The following XAB2 variants were observed in gnomAD, a reference collection of about 807,000 sequenced individuals.
The protein encoded by XAB2 is XPA binding protein 2, also known as pre-mRNA-splicing factor SYF1.
XAB2 carries 57 observed loss-of-function variants against 113.4 expected under a neutral mutation model. That is an observed-to-expected ratio of 0.50 (90% CI 0.41 to 0.63). XAB2 has a LOEUF of 0.63. Among genes scored for constraint, XAB2 ranks in the 20% least tolerant of loss-of-function variants. The pLI is 0.00. For missense variants in XAB2, 1,037 were observed against 1,233.3 expected (o/e 0.84, Z 2.38); for synonymous variants, 497 against 498.8 (o/e 1.00, Z 0.05).
In XAB2 at chr19:7,627,660, T is replaced by TCCCC; in HGVS notation, c.324+64_324+67dup. 23 of 1,572,264 alleles carry TCCCC rather than the reference T, an allele frequency of 1.5e-5. No homozygotes were observed. The highest frequency in any genetic ancestry group is 2.7e-5 in the African/African-American group (2 of 74,140). ...CCTAACATGCTGAGCCCAGCCCCTG[T>TCCCC]CCCCGCCCCACCCACCACCATGGAC... On this transcript the variant is annotated intron_variant, in intron 3 of 18. Transcript: ENST00000358368. The surrounding 1 kb of genome is among the most constrained non-coding windows in gnomAD (Gnocchi z 4.5).
rs2031167087 is a variant in XAB2, at chr19:7,627,615, C to G, written c.324+113G>C. On this transcript the variant is annotated intron_variant, in intron 3 of 18. Transcript: ENST00000358368. The surrounding 1 kb of genome is among the most constrained non-coding windows in gnomAD (Gnocchi z 4.5). ...CCCAACTTCCCATGCAAAGAAGCAACAGGAATCCAAGCCCCCATCCCTAAC... is the reference window on the plus strand; with the variant it reads ...CCCAACTTCCCATGCAAAGAAGCAAGAGGAATCCAAGCCCCCATCCCTAAC... 10 of 1,549,212 alleles carry G rather than the reference C, an allele frequency of 6.5e-6. No individual in the cohort carries two copies. Among genetic ancestry groups the G allele is most frequent in the East Asian group, 4.5e-5 (2 of 44,344 alleles).
chr19:7,621,166 A>G lies in XAB2; in HGVS notation c.1749T>C (p.Ala583=), dbSNP rs2031025251. The change falls in exon 13 of 19, where the codon GCT becomes GCC. Residue 583 remains alanine (A), a synonymous_variant. Coordinates refer to ENST00000358368, the MANE Select transcript of XAB2 (RefSeq NM_020196.3). ...CATATTTTGGGGGGCAGCCGTCCAGAGCCTGTTCAAACAGGTCCCGTGCCC... is the reference window on the plus strand; with the variant it reads ...CATATTTTGGGGGGCAGCCGTCCAGGGCCTGTTCAAACAGGTCCCGTGCCC... ...LERARDLFEQ[A]LDGCPPKYAK... The G allele has an allele frequency of 5.0e-6, 8 of 1,611,518 alleles. No homozygotes were observed. Among genetic ancestry groups the G allele is most frequent in the Non-Finnish European group, 5.9e-6 (7 of 1,179,580 alleles).
At position 7,627,707 on chromosome 19, in the gene XAB2, T is replaced by G. The variant is rs766154172; in HGVS notation, c.324+21A>C. On this transcript the variant is annotated intron_variant, in intron 3 of 18. Transcript: ENST00000358368. The surrounding 1 kb of genome is among the most constrained non-coding windows in gnomAD (Gnocchi z 4.5). ...GGACTGAGCTCCACTTCCCGATTCA[T>G]CCCCTCGCCGAGCCCCAAACCTTGT... 1.3e-6 allele frequency: 2 copies of G among 1,485,402 alleles called. No homozygotes were observed. The highest frequency in any genetic ancestry group is 1.8e-6 in the Non-Finnish European group (2 of 1,098,792). The allele number at this position is 1,485,402 out of a possible 1,614,324, so 92.0% of individuals were successfully genotyped here. A position where few individuals can be genotyped will look rare whatever the true frequency, so the allele number is the denominator to read the frequency against.
chr19:7,628,199 G>A lies in XAB2; in HGVS notation c.151C>T (p.Pro51Ser). The change falls in exon 2 of 19, where the codon CCC (proline) becomes TCC (serine). Residue 51 changes from proline to serine, a missense_variant. Transcript: ENST00000358368. This position sits in a 1 kb window ranked among gnomAD's most constrained non-coding sequence, Gnocchi z 4.6. ...YIEFKQGAPKPRLNQLYERAL... is the reference protein window; with the variant it reads ...YIEFKQGAPKSRLNQLYERAL... ...CGCTCGTATAGCTGATTGAGCCTGG[G>A]CTTCGGGGCGCCCTGTTTGAACTCG... is the stretch of plus-strand genomic sequence containing the variant. 4 of 1,614,074 alleles carry A rather than the reference G, an allele frequency of 2.5e-6. No individual in the cohort carries two copies. Among genetic ancestry groups the A allele is most frequent in the Non-Finnish European group, 3.4e-6 (4 of 1,180,028 alleles).
Position 7,619,550 on chromosome 19 carries a change from G to T in XAB2, c.*36C>A, listed in dbSNP as rs2030978419. The T allele has an allele frequency of 1.4e-6, 2 of 1,443,120 alleles. No homozygotes were observed. Among genetic ancestry groups the T allele is most frequent in the African/African-American group, 1.4e-5 (1 of 70,134 alleles). The allele number at this position is 1,443,120 out of a possible 1,614,324, so 89.4% of individuals were successfully genotyped here. On this transcript the variant is annotated 3_prime_UTR_variant, in exon 19 of 19. Coordinates refer to ENST00000358368, the MANE Select transcript of XAB2 (RefSeq NM_020196.3). ...TGATGTACAAACGTAGCTGTATTGGGGAGGGGGTGGGGAGGGGGGATGGGG... is the reference window on the plus strand; with the variant it reads ...TGATGTACAAACGTAGCTGTATTGGTGAGGGGGTGGGGAGGGGGGATGGGG...
rs778020588 is a variant in XAB2, at chr19:7,627,394, C to A, written c.371G>T (p.Gly124Val). 1 of 1,607,628 alleles carries A rather than the reference C, an allele frequency of 6.2e-7. No individual in the cohort carries two copies. The highest frequency in any genetic ancestry group is 1.1e-5 in the South Asian group (1 of 90,454). ...GGTGCGGCGGGTGTGTGTGACGCGC[C>A]CCTGGTCCATGAGGAACTGGCAGTA... is the stretch of plus-strand genomic sequence containing the variant. ...LDYCQFLMDQGRVTHTRRTFD... is the reference protein window; with the variant it reads ...LDYCQFLMDQVRVTHTRRTFD... The change falls in exon 4 of 19, where the codon GGG (glycine) becomes GTG (valine). Residue 124 changes from glycine (G) to valine (V), a missense_variant. Coordinates refer to ENST00000358368, the MANE Select transcript of XAB2 (RefSeq NM_020196.3). This position sits in a 1 kb window ranked among gnomAD's most constrained non-coding sequence, Gnocchi z 4.5.
chr19:7,622,237 G>A (rs1056152532), intron 12 of XAB2, 94 bp downstream of exon 12: 151 of 1,191,090 alleles, frequency 1.3e-4, no homozygotes, highest in Middle Eastern at 5.8e-4. Flanking sequence ...TGTATACTGT[G>A]TCACACAAGC....
chr19:7,626,115 G>C (rs4134838), intron 5 of XAB2, 21 bp downstream of exon 5: 224,001 of 1,612,734 alleles, frequency 0.14, 16,728 homozygotes, highest in Admixed American at 0.24. Context: ...CCACCCAGTT[G>C]CCGGCTCCCG....
rs760547666 is a variant in XAB2 at position 7,619,950 on chromosome 19, C to G, written c.2392G>C (p.Val798Leu). The stretch of plus-strand genomic sequence containing the variant: ...CGTCCAAGGATCCGCCCTCACCTCA[C>G]GAACAGGATCTTGCTCTGGGCGCGC... Reference protein sequence around the residue: ...PLRAQSKILFVRSDASREELA... With the variant: ...PLRAQSKILFLRSDASREELA... Residue 798 changes from valine to leucine, a missense_variant, in exon 17 of 19, where the codon GTG (valine) becomes CTG (leucine). Coordinates refer to ENST00000358368, the MANE Select transcript of XAB2 (RefSeq NM_020196.3). 6.2e-7 allele frequency: 1 copy of G among 1,611,282 alleles called. No homozygotes were observed. The highest frequency in any genetic ancestry group is 1.7e-5 in the Admixed American group (1 of 60,016).
chr19:7,621,258 C>T lies in XAB2; in HGVS notation c.1657G>A (p.Val553Met), dbSNP rs772996259. 16 of 1,613,086 alleles carry T rather than the reference C, an allele frequency of 9.9e-6. No homozygotes were observed. Among genetic ancestry groups the T allele is most frequent in the Non-Finnish European group, 1.4e-5 (16 of 1,179,992 alleles). ...RGISLFKWPN[V>M]SDIWSTYLTK... ...AGGTAGGTGCTCCAGATGTCGGACA[C>T]GTTGGGCCACTTGAACAGCGAGATG... The change falls in exon 13 of 19, where the codon GTG becomes ATG. Residue 553 changes from valine to methionine, a missense_variant. Physicochemically the swap from Val to Met is conservative, Grantham distance 21. Coordinates refer to ENST00000358368, the MANE Select transcript of XAB2 (RefSeq NM_020196.3).
chr19:7,624,054 T>C lies in XAB2; in HGVS notation c.968-172A>G, dbSNP rs1470058206. Among the ~76,000 whole-genome samples the C allele has an allele frequency of 7.0e-6, 1 of 142,166 alleles. No homozygotes were observed. Among genetic ancestry groups the C allele is most frequent in the Non-Finnish European group, 1.5e-5 (1 of 65,646 alleles). 93.3% of individuals were successfully genotyped at this position (142,166 alleles called of 152,430 possible). A position where few individuals can be genotyped will look rare whatever the true frequency, so the allele number is the denominator to read the frequency against. Reference sequence around the variant, plus strand: ...GCCCCACCCCCAGCCCCAGGTACTGTGGATACCCCCTCCTACCCCCACTGT... The same window carrying C: ...GCCCCACCCCCAGCCCCAGGTACTGCGGATACCCCCTCCTACCCCCACTGT... On this transcript the variant is annotated intron_variant, in intron 7 of 18. Transcript: ENST00000358368. This position sits in a 1 kb window ranked among gnomAD's most constrained non-coding sequence, Gnocchi z 4.2.
At chr19:7,621,087 GA>G in intron 13 of XAB2, 47 bp downstream of exon 13, 1 of 1,539,786 alleles carries the variant, frequency 6.5e-7, no homozygotes, top group Non-Finnish European at 8.8e-7. Context: ...GGGCCAGTCA[GA>G]AACCCAGCCC....
chr19:7,626,363 A>G, intron 4 of XAB2, 93 bp from the exon 5 acceptor site: 1 of 1,530,090 alleles, frequency 6.5e-7, no homozygotes, highest in Non-Finnish European at 8.8e-7. Flanking sequence ...CCCCCCACCC[A>G]TTTATGAGTG....
rs1431762383 is a variant in XAB2, at chr19:7,625,341, G to A, written c.822+539C>T. On this transcript the variant is annotated intron_variant, in intron 6 of 18. Coordinates refer to ENST00000358368, the MANE Select transcript of XAB2 (RefSeq NM_020196.3). The surrounding 1 kb of genome is among the most constrained non-coding windows in gnomAD (Gnocchi z 5.2). ...CCACCTTAGTGGGGCCAAGGCCGCA[G>A]AGCCAGAGGGTGAACCCTGAACGCA... 6.6e-6 allele frequency among the ~76,000 whole-genome samples: 1 copy of A among 152,212 alleles called. No homozygotes were observed. Among genetic ancestry groups the A allele is most frequent in the African/African-American group, 2.4e-5 (1 of 41,448 alleles).
At position 7,621,328 on chromosome 19, in the gene XAB2, G is replaced by A. The variant is rs760099553; in HGVS notation, c.1618-31C>T. ...ACCAGAGGGAGAGTCACATGTGAGA[G>A]TCTGCAGATAGAGACCACCAGGCAC... On this transcript the variant is annotated intron_variant, in intron 12 of 18. Transcript: ENST00000358368. 4 of 1,608,760 alleles carry A rather than the reference G, an allele frequency of 2.5e-6. No individual in the cohort carries two copies. In the South Asian group the frequency reaches 3.3e-5, roughly 13 times the overall value.
At position 7,622,743 on chromosome 19, in the gene XAB2, AGCCTGG is replaced by A. The variant is rs1199046215; in HGVS notation, c.1371+13_1371+18del. ...CTACAACCTGCAGCCCCCACCCCAC[AGCCTGG>A]GCCTGTTCTCACTCGCAGCAGCCGC... On this transcript the variant is annotated intron_variant, in intron 10 of 18. Coordinates refer to ENST00000358368, the MANE Select transcript of XAB2 (RefSeq NM_020196.3). 2 of 1,613,502 alleles carry A rather than the reference AGCCTGG, an allele frequency of 1.2e-6. No individual in the cohort carries two copies. The highest frequency in any genetic ancestry group is 1.7e-6 in the Non-Finnish European group (2 of 1,179,828).
rs749300094 is a variant in XAB2, at chr19:7,623,130, A to G, written c.1239+40T>C. The stretch of plus-strand genomic sequence containing the variant: ...CATGCACACATATACAAGCACACAC[A>G]CATGCATGAACACACAGGCACACGC... On this transcript the variant is annotated intron_variant, in intron 9 of 18. Coordinates refer to ENST00000358368, the MANE Select transcript of XAB2 (RefSeq NM_020196.3). The surrounding 1 kb of genome is among the most constrained non-coding windows in gnomAD (Gnocchi z 4.6). 1 of 1,608,518 alleles carries G rather than the reference A, an allele frequency of 6.2e-7. No homozygotes were observed. Among genetic ancestry groups the G allele is most frequent in the Non-Finnish European group, 8.5e-7 (1 of 1,177,060 alleles).
Position 7,627,367 on chromosome 19 carries a change from A to C in XAB2, c.398T>G (p.Phe133Cys). ...GGGCAGTGCCCGGAGGGCACGGTCG[A>C]AGGTGCGGCGGGTGTGTGTGACGCG... ...QGRVTHTRRT[F>C]DRALRALPIT... The change falls in exon 4 of 19, where the codon TTC becomes TGC. Residue 133 changes from phenylalanine (F) to cysteine (C), a missense_variant. Coordinates refer to ENST00000358368, the MANE Select transcript of XAB2 (RefSeq NM_020196.3). This position sits in a 1 kb window ranked among gnomAD's most constrained non-coding sequence, Gnocchi z 4.5. 1 of 1,613,224 alleles carries C rather than the reference A, an allele frequency of 6.2e-7. No homozygotes were observed. The highest frequency in any genetic ancestry group is 8.5e-7 in the Non-Finnish European group (1 of 1,179,854).
Position 7,625,804 on chromosome 19 carries a change from C to G in XAB2, c.822+76G>C, listed in dbSNP as rs2031127105. 6.6e-7 allele frequency: 1 copy of G among 1,519,142 alleles called. No homozygotes were observed. 94.1% of individuals were successfully genotyped at this position (1,519,142 alleles called of 1,614,324 possible). A position where few individuals can be genotyped will look rare whatever the true frequency, so the allele number is the denominator to read the frequency against. ...ATAAATGGCATGTTTTCTGCCTGTG[C>G]ATGTGTCAACATGTGTCCCCGAGTG... On this transcript the variant is annotated intron_variant, in intron 6 of 18. Transcript: ENST00000358368. The surrounding 1 kb of genome is among the most constrained non-coding windows in gnomAD (Gnocchi z 5.2).
Sources: allele counts gnomAD v4.1 joint callset (sites outside exome capture counted in the v4.1 genomes callset), GRCh38; gene constraint gnomAD v4.1.1; non-coding constraint Gnocchi (gnomAD v3.1); transcripts MANE v1.5; gene names NCBI Gene and HGNC (gene_info 2026-07-23, HGNC 2026-07-21).